RNF152: variants seen among roughly 807,000 people sequenced by gnomAD.
The protein encoded by RNF152 is ring finger protein 152.
RNF152 carries 11 observed loss-of-function variants against 12.7 expected under a neutral mutation model. That is an observed-to-expected ratio of 0.86 (90% CI 0.54 to 1.43). The LOEUF is 1.43. Among genes scored for constraint, RNF152 ranks in the 40% most tolerant of loss-of-function variants. The pLI, the probability that RNF152 is intolerant of heterozygous loss-of-function variation, is 0.00. For synonymous variants in RNF152, 113 were observed against 120.3 expected (o/e 0.94, Z 0.40); for missense variants, 255 against 274.8 (o/e 0.93, Z 0.51).
At chr18:61,844,871 A>G (rs932788892) in intron 1 of RNF152, among the ~76,000 whole-genome samples, 1 of 141,738 alleles carries the variant, frequency 7.1e-6, no homozygotes, top group Non-Finnish European at 1.5e-5. Flanking sequence ...CTTTTAAAAC[A>G]AAAAAAAAAA....
At chr18:61,848,195 A>C (rs9959429) in intron 1 of RNF152, among the ~76,000 whole-genome samples, 1 of 152,054 alleles carries the variant, frequency 6.6e-6, no homozygotes, top group South Asian at 2.1e-4. Flanking sequence ...CTAAAACCCT[A>C]TGAGGTAGCA....
chr18:61,857,485 G>T (rs571976783), intron 1 of RNF152, among the ~76,000 whole-genome samples: 1 of 152,118 alleles, frequency 6.6e-6, no homozygotes, highest in Non-Finnish European at 1.5e-5. Flanking sequence ...ATTTTCAAAA[G>T]CCATAAAAAT....
intron 1 of RNF152, among the ~76,000 whole-genome samples, chr18:61,824,780 C>T (rs1029707068): frequency 3.9e-5 from 6 of 152,222 alleles, no homozygotes; most frequent in Non-Finnish European, 8.8e-5. Flanking sequence ...AAGGTTAGCG[C>T]TGGCATTCAT....
intron 1 of RNF152, among the ~76,000 whole-genome samples, chr18:61,863,558 G>C (rs1454512966): frequency 6.6e-6 from 1 of 152,100 alleles, no homozygotes; most frequent in Non-Finnish European, 1.5e-5. Context: ...TATCTTTGGG[G>C]AAAAAACTAA....
Position 61,816,245 on chromosome 18 carries a change from C to G in RNF152, c.219G>C (p.Pro73=). 6.2e-7 allele frequency: 1 copy of G among 1,614,202 alleles called. No individual in the cohort carries two copies. Among genetic ancestry groups the G allele is most frequent in the Non-Finnish European group, 8.5e-7 (1 of 1,180,032 alleles). ...GFSVSQLPDD[P]EVLAVIAIPH... ...GAATGGCGATGACAGCCAGGACCTC[C>G]GGGTCGTCCGGGAGCTGCGACACGG... Residue 73 remains proline (P), a synonymous_variant, in exon 2 of 2, where the codon CCG becomes CCC. Transcript: ENST00000312828.
chr18:61,809,033 G>C lies in RNF152; in HGVS notation c.*6819C>G, dbSNP rs1912830489. 1 of 152,272 alleles carries C rather than the reference G, an allele frequency of 6.6e-6. No individual in the cohort carries two copies. Among genetic ancestry groups the C allele is most frequent in the Non-Finnish European group, 1.5e-5 (1 of 68,104 alleles). The allele number at this position is 152,272 out of a possible 1,614,324, so 9.4% of individuals were successfully genotyped here. On this transcript the variant is annotated 3_prime_UTR_variant, in exon 2 of 2. Coordinates refer to ENST00000312828, the MANE Select transcript of RNF152 (RefSeq NM_173557.3). ...GGAATGACAGATTGTGCTTGACTAAGTTGTCCTAGTTGTCCTGTGCTTCTT... is the reference window on the plus strand; with the variant it reads ...GGAATGACAGATTGTGCTTGACTAACTTGTCCTAGTTGTCCTGTGCTTCTT...
At chr18:61,891,529 C>G (rs1004154784) in intron 1 of RNF152, among the ~76,000 whole-genome samples, 4 of 152,138 alleles carry the variant, frequency 2.6e-5, no homozygotes, top group Admixed American at 6.5e-5. Flanking sequence ...CAGTACACAC[C>G]CTGTACTATT....
chr18:61,855,614 C>A (rs560075762), intron 1 of RNF152, among the ~76,000 whole-genome samples: 2 of 152,254 alleles, frequency 1.3e-5, no homozygotes, highest in African/African-American at 2.4e-5. Context: ...CCTGTGCCAG[C>A]GCCTGGAGCT....
intron 1 of RNF152, among the ~76,000 whole-genome samples, chr18:61,854,304 G>A (rs1187293840): frequency 2.0e-5 from 3 of 152,160 alleles, no homozygotes; most frequent in African/African-American, 7.2e-5. Flanking sequence ...AGACTACAAT[G>A]TCACAACCAT....
In RNF152 at chr18:61,868,608, C is replaced by T. The variant is rs149348247; in HGVS notation, c.-136+24187G>A. Among the ~76,000 whole-genome samples the T allele has an allele frequency of 3.3e-5, 5 of 152,224 alleles. No homozygotes were observed. The East Asian group carries it at 9.7e-4, about 29-fold the overall frequency. ...ATCCCAGCTACTCAGGAGTCTGAGG[C>T]AGGAGAATCTCATGAACCCGGGAAG... On this transcript the variant is annotated intron_variant, in intron 1 of 1. Transcript: ENST00000312828.
intron 1 of RNF152, among the ~76,000 whole-genome samples, chr18:61,860,137 G>T (rs935998828): frequency 1.3e-5 from 2 of 152,124 alleles, no homozygotes; most frequent in African/African-American, 4.8e-5. Context: ...CGAGAAGCTG[G>T]GGAAGGGAGG....
At chr18:61,869,793 T>C (rs1911901103) in intron 1 of RNF152, among the ~76,000 whole-genome samples, 1 of 152,198 alleles carries the variant, frequency 6.6e-6, no homozygotes, top group Admixed American at 6.5e-5. Context: ...GCTTATCATC[T>C]TCATAAACTC....
chr18:61,868,479 C>T lies in RNF152; in HGVS notation c.-136+24316G>A, dbSNP rs531859528. Among the ~76,000 whole-genome samples, 8 of 152,114 alleles carry T rather than the reference C, an allele frequency of 5.3e-5. No individual in the cohort carries two copies. In the South Asian group the frequency reaches 6.2e-4, roughly 12 times the overall value. ...ATCCCAGCACTTTGAGAGGCCAAGG[C>T]GGGTGGATTACCCAAGAGTTTGAGA... On this transcript the variant is annotated intron_variant, in intron 1 of 1. Coordinates refer to ENST00000312828, the MANE Select transcript of RNF152 (RefSeq NM_173557.3).
At chr18:61,850,021 G>A (rs1910900503) in intron 1 of RNF152, among the ~76,000 whole-genome samples, 1 of 152,160 alleles carries the variant, frequency 6.6e-6, no homozygotes, top group South Asian at 2.1e-4. Context: ...GACATATTGG[G>A]GTGAATTAGC....
intron 1 of RNF152, among the ~76,000 whole-genome samples, chr18:61,845,625 T>C (rs1328083075): frequency 1.3e-5 from 2 of 152,132 alleles, no homozygotes; most frequent in East Asian, 3.8e-4. Context: ...CATCGAAGGG[T>C]TTATGTGAAG....
intron 1 of RNF152, among the ~76,000 whole-genome samples, chr18:61,844,514 G>A (rs969814965): frequency 2.6e-5 from 4 of 152,218 alleles, no homozygotes; most frequent in African/African-American, 7.2e-5. Context: ...ACTGGCTCTG[G>A]TGGGTTTTAT....
Position 61,815,871 on chromosome 18 carries a change from G to C in RNF152, c.593C>G (p.Thr198Ser), listed in dbSNP as rs1260504411. ...HNMSCISKRF[T>S]VISCG is the part of the protein sequence containing the mutation. ...CCCTCTTCAGCCACAGGATATCACA[G>C]TGAAGCGCTTAGAAATGCAAGACAT... The change falls in exon 2 of 2, where the codon ACT becomes AGT. Residue 198 changes from threonine to serine, a missense_variant. Transcript: ENST00000312828. 12 of 1,614,056 alleles carry C rather than the reference G, an allele frequency of 7.4e-6. No individual in the cohort carries two copies. Among genetic ancestry groups the C allele is most frequent in the Non-Finnish European group, 1.0e-5 (12 of 1,180,022 alleles).
At position 61,811,248 on chromosome 18, in the gene RNF152, C is replaced by T. The variant is rs527348465; in HGVS notation, c.*4604G>A. On this transcript the variant is annotated 3_prime_UTR_variant, in exon 2 of 2. Coordinates refer to ENST00000312828, the MANE Select transcript of RNF152 (RefSeq NM_173557.3). ...AAGTTTTCAAATAAAGGGATGGGAA[C>T]TCTTAAAATCAAAATCTAGACTGGA... is the stretch of plus-strand genomic sequence containing the variant. 2.0e-5 allele frequency: 3 copies of T among 152,218 alleles called. No homozygotes were observed. In the East Asian group the frequency reaches 5.8e-4, roughly 29 times the overall value. The allele number at this position is 152,218 out of a possible 1,614,324, so 9.4% of individuals were successfully genotyped here. A position where few individuals can be genotyped will look rare whatever the true frequency, so the allele number is the denominator to read the frequency against.
chr18:61,839,355 C>G (rs146054252), intron 1 of RNF152, among the ~76,000 whole-genome samples: 1 of 152,154 alleles, frequency 6.6e-6, no homozygotes, highest in Non-Finnish European at 1.5e-5. Context: ...ACTTTCATAA[C>G]GTTCACAGTT....
Sources: allele counts gnomAD v4.1 joint callset (sites outside exome capture counted in the v4.1 genomes callset), GRCh38; gene constraint gnomAD v4.1.1; transcripts MANE v1.5; gene names NCBI Gene and HGNC (gene_info 2026-07-23, HGNC 2026-07-21).